FANCB: variants seen among roughly 807,000 people sequenced by gnomAD.
FANCB encodes the protein Fanconi anemia group B protein.
FANCB carries 5 observed loss-of-function variants against 38.9 expected under a neutral mutation model. That is an observed-to-expected ratio of 0.13 (90% CI 0.07 to 0.27). The LOEUF (loss-of-function observed/expected upper bound fraction) is 0.27, where lower values mean the gene tolerates loss of function less well. Ranked by LOEUF, FANCB falls within the 10% of genes least tolerant of loss-of-function variation. FANCB has a pLI of 1.00. For missense variants in FANCB, 573 were observed against 602.7 expected (o/e 0.95, Z 0.52); for synonymous variants, 236 against 215.4 (o/e 1.10, Z -0.84).
the FANCB span, among the ~76,000 whole-genome samples, chrX:14,829,688 C>T: frequency 1.8e-5 from 2 of 111,551 alleles, no homozygotes; most frequent in Non-Finnish European, 3.8e-5. Flanking sequence ...GCTTTTCTTC[C>T]AATTCCCTCA....
intron 10 of FANCB, among the ~76,000 whole-genome samples, chrX:14,837,952 A>AT (rs2092345453): frequency 8.9e-6 from 1 of 112,466 alleles, no homozygotes; most frequent in South Asian, 3.7e-4. Context: ...ACTTTCTGTG[A>AT]TTTTGGAAAT....
At chrX:14,810,591 T>C in the FANCB span, among the ~76,000 whole-genome samples, 371 of 110,751 alleles carry the variant, frequency 3.3e-3, 1 homozygote, top group African/African-American at 0.011. Flanking sequence ...ATGAATGAAA[T>C]GAAGCGAGAA....
chrX:14,749,947 T>C, the FANCB span, among the ~76,000 whole-genome samples: 1 of 112,552 alleles, frequency 8.9e-6, no homozygotes, highest in African/African-American at 3.2e-5. Flanking sequence ...AAGTTTTCCA[T>C]TGCAGCCATG....
the FANCB span, among the ~76,000 whole-genome samples, chrX:14,753,254 T>C: frequency 9.0e-6 from 1 of 111,656 alleles, no homozygotes; most frequent in Non-Finnish European, 1.9e-5. Context: ...CAATCCAAGA[T>C]CCAATCCAGT....
chrX:14,732,660 G>C, the FANCB span, among the ~76,000 whole-genome samples: 24,975 of 111,249 alleles, frequency 0.22, 2,419 homozygotes, highest in Non-Finnish European at 0.31. Context: ...TTTCATGTTT[G>C]TTGGCCACAT....
At chrX:14,801,980 C>T in the FANCB span, among the ~76,000 whole-genome samples, 1 of 111,677 alleles carries the variant, frequency 9.0e-6, no homozygotes, top group Non-Finnish European at 1.9e-5. Flanking sequence ...AACCTTGGGA[C>T]TGTGGTCACA....
At chrX:14,691,356 G>A in the FANCB span, among the ~76,000 whole-genome samples, 2 of 107,523 alleles carry the variant, frequency 1.9e-5, no homozygotes, top group African/African-American at 6.8e-5. Flanking sequence ...TCACTGATCT[G>A]ATTGACTTTT....
chrX:14,744,650 A>G, the FANCB span, among the ~76,000 whole-genome samples: 1 of 112,105 alleles, frequency 8.9e-6, no homozygotes, highest in Non-Finnish European at 1.9e-5. Flanking sequence ...GAGAAGCAGT[A>G]TAATTTCTAA....
chrX:14,843,204 A>T (rs185933985), downstream of FANCB, among the ~76,000 whole-genome samples: 1 of 111,714 alleles, frequency 9.0e-6, no homozygotes, highest in Non-Finnish European at 1.9e-5. Flanking sequence ...TTTGGGCTGG[A>T]TAATTCTTTG....
the FANCB span, among the ~76,000 whole-genome samples, chrX:14,701,374 G>A: frequency 9.0e-6 from 1 of 110,854 alleles, no homozygotes; most frequent in Non-Finnish European, 1.9e-5. Flanking sequence ...AATAAAAATG[G>A]GCAACCCCTG....
chrX:14,833,163 C>T (rs974438422), downstream of FANCB, among the ~76,000 whole-genome samples: 3 of 112,186 alleles, frequency 2.7e-5, no homozygotes, highest in Non-Finnish European at 3.8e-5. Context: ...ACCAAAGATG[C>T]TGGAACACAG....
intron 1 of FANCB, among the ~76,000 whole-genome samples, chrX:14,870,695 T>C (rs1350353304): frequency 1.8e-5 from 2 of 111,663 alleles, no homozygotes; most frequent in African/African-American, 3.3e-5. Flanking sequence ...CTGCCCCCCC[T>C]CTTAATAAAT....
At chrX:14,863,817 A>C (rs1181122187) in intron 3 of FANCB, among the ~76,000 whole-genome samples, 1 of 70,028 alleles carries the variant, frequency 1.4e-5, no homozygotes, top group African/African-American at 4.6e-5. Context: ...GACAACAAGT[A>C]AATTTAAATA....
chrX:14,689,652 C>A, the FANCB span, among the ~76,000 whole-genome samples: 1 of 112,005 alleles, frequency 8.9e-6, no homozygotes, highest in Non-Finnish European at 1.9e-5. Context: ...AAAATTCACA[C>A]ATGTAAAATG....
the FANCB span, among the ~76,000 whole-genome samples, chrX:14,816,850 C>G: frequency 1.3e-4 from 14 of 111,949 alleles, no homozygotes; most frequent in African/African-American, 4.5e-4. Context: ...TCTCCTAGAT[C>G]TACCACTTAT....
chrX:14,848,618 T>C (rs1299535960), intron 7 of FANCB, among the ~76,000 whole-genome samples: 2 of 111,888 alleles, frequency 1.8e-5, no homozygotes, highest in Non-Finnish European at 3.8e-5. Context: ...TTGCTAATCA[T>C]AGGTTATCGA....
At chrX:14,775,170 T>TTG in the FANCB span, among the ~76,000 whole-genome samples, 2 of 95,027 alleles carry the variant, frequency 2.1e-5, no homozygotes, top group Non-Finnish European at 4.3e-5. Context: ...GTTTTTTTTT[T>TTG]TTTTTTTTTT....
the FANCB span, among the ~76,000 whole-genome samples, chrX:14,745,992 A>G: frequency 2.7e-5 from 3 of 110,402 alleles, no homozygotes; most frequent in Non-Finnish European, 5.7e-5. Context: ...GAGCCACCGC[A>G]CCCGGCCGAA....
chrX:14,786,132 C>T, the FANCB span, among the ~76,000 whole-genome samples: 1 of 111,158 alleles, frequency 9.0e-6, no homozygotes, highest in African/African-American at 3.3e-5. Context: ...CTTTATACTC[C>T]TACATCAACT....
Sources: gnomAD v4.1 joint callset for allele counts (sites outside exome capture counted in the v4.1 genomes callset) on GRCh38, gnomAD v4.1.1 for gene constraint, MANE v1.5 for transcripts, NCBI Gene and HGNC (gene_info 2026-07-23, HGNC 2026-07-21) for gene names.